The following CPS1 variants were observed in gnomAD, a reference collection of about 807,000 sequenced individuals.
CPS1 encodes carbamoyl-phosphate synthase 1, also known as carbamoyl-phosphate synthase [ammonia], mitochondrial.
CPS1 carries 109 observed loss-of-function variants against 174.6 expected under a neutral mutation model. The ratio of observed to expected loss-of-function variants is 0.62; its 90% CI spans 0.53 to 0.73. The LOEUF (loss-of-function observed/expected upper bound fraction) is 0.73. Ranked by LOEUF, CPS1 falls within the 30% of genes least tolerant of loss-of-function variation. CPS1 has a pLI of 0.00. For missense variants in CPS1, 1,689 were observed against 1,821.9 expected (o/e 0.93, Z 1.33); for synonymous variants, 637 against 632.0 (o/e 1.01, Z -0.12).
chr2:210,607,716 C>T (rs1698967829), intron 18 of CPS1, among the ~76,000 whole-genome samples: 1 of 151,744 alleles, frequency 6.6e-6, no homozygotes, highest in African/African-American at 2.4e-5. Flanking sequence ...TATCAGTTTC[C>T]TCATTTGTTA....
Position 210,556,667 on chromosome 2 carries a change from A to G in CPS1, c.-67A>G. The G allele has an allele frequency of 6.2e-7, 1 of 1,602,324 alleles. No homozygotes were observed. The highest frequency in any genetic ancestry group is 8.5e-7 in the Non-Finnish European group (1 of 1,174,010). The stretch of plus-strand genomic sequence containing the variant: ...CCCAGATTTCTTTTACATTAACTAA[A>G]AAGTCTTATCACACAATCTCATAAA... On this transcript the variant is annotated 5_prime_UTR_variant, in exon 1 of 38. Coordinates refer to ENST00000233072, the MANE Select transcript of CPS1 (RefSeq NM_001875.5).
At chr2:210,506,753 G>A (rs1413358659) in intron 1 of CPS1, among the ~76,000 whole-genome samples, 3 of 152,166 alleles carry the variant, frequency 2.0e-5, no homozygotes, top group African/African-American at 4.8e-5. Context: ...TAGCCAATTC[G>A]ATCAACTGGA....
intron 29 of CPS1, 69 bp downstream of exon 29, chr2:210,654,171 T>C (rs1700640925): frequency 1.5e-6 from 2 of 1,355,906 alleles, no homozygotes; most frequent in African/African-American, 1.4e-5. Context: ...AATTTTGAAA[T>C]ATTGACAGGT....
At chr2:210,507,522 T>A (rs1695321678) in intron 1 of CPS1, among the ~76,000 whole-genome samples, 1 of 151,782 alleles carries the variant, frequency 6.6e-6, no homozygotes, top group Non-Finnish European at 1.5e-5. Flanking sequence ...AATTCACACA[T>A]AACAATATTA....
At chr2:210,606,987 T>C (rs1698937986) in intron 18 of CPS1, 46 bp downstream of exon 18, 2 of 1,554,712 alleles carry the variant, frequency 1.3e-6, no homozygotes, top group Non-Finnish European at 1.8e-6. Flanking sequence ...TCTTTTCAGA[T>C]AGAAATGAAA....
intron 1 of CPS1, among the ~76,000 whole-genome samples, chr2:210,546,867 A>G (rs1559070356): frequency 1.3e-5 from 2 of 152,080 alleles, no homozygotes; most frequent in Non-Finnish European, 2.9e-5. Context: ...CTTCTTTCAC[A>G]TCCTAAATAT....
At chr2:210,631,461 A>AACCAGAGAACAC (rs1230442429) in intron 21 of CPS1, among the ~76,000 whole-genome samples, 3 of 152,218 alleles carry the variant, frequency 2.0e-5, no homozygotes, top group African/African-American at 7.2e-5. Context: ...ATTGTTTGTA[A>AACCAGAGAACAC]ACCAGAGAAC....
chr2:210,635,855 A>G (rs973324326), intron 21 of CPS1, among the ~76,000 whole-genome samples: 15 of 152,232 alleles, frequency 9.9e-5, no homozygotes, highest in Non-Finnish European at 2.1e-4. Flanking sequence ...GTGCAATAGA[A>G]AAAGCAAATT....
rs66825517 is a variant in CPS1, at chr2:210,491,307, G to GTTTTTTTTTTTTTTTT, written c.3+13557_3+13572dup. Among the ~76,000 whole-genome samples, 16 of 50,354 alleles carry GTTTTTTTTTTTTTTTT rather than the reference G, an allele frequency of 3.2e-4. 2 individuals carry two copies. Among genetic ancestry groups the GTTTTTTTTTTTTTTTT allele is most frequent in the African/African-American group, 1.5e-3 (15 of 9,984 alleles). 33.0% of individuals were successfully genotyped at this position (50,354 alleles called of 152,430 possible). On this transcript the variant is annotated intron_variant, in intron 1 of 38. Coordinates refer to the CPS1 transcript ENST00000430249. Reference sequence around the variant, plus strand: ...GTAAAAGCATGTATTTGGTATCTGTGTTTTTTTTTTTTTTTTTTTTTTTTT... The same window carrying GTTTTTTTTTTTTTTTT: ...GTAAAAGCATGTATTTGGTATCTGTGTTTTTTTTTTTTTTTTTTTTTTTTTTTTTTTTTTTTTTTTT...
intron 29 of CPS1, among the ~76,000 whole-genome samples, chr2:210,654,332 T>C (rs906936501): frequency 4.6e-5 from 7 of 152,232 alleles, no homozygotes; most frequent in African/African-American, 1.7e-4. Context: ...TATTCAAAAG[T>C]AATTATCATC....
intron 21 of CPS1, chr2:210,618,857 A>G (rs1699406601): frequency 2.0e-5 from 3 of 152,250 alleles, no homozygotes; most frequent in African/African-American, 4.8e-5. Flanking sequence ...AGAGCTCCCT[A>G]TTAATGACCT....
chr2:210,622,837 C>G (rs1699576224), intron 21 of CPS1, among the ~76,000 whole-genome samples: 2 of 149,492 alleles, frequency 1.3e-5, no homozygotes, highest in South Asian at 2.1e-4. Context: ...CTTTAAGCAT[C>G]TGCTTATCCC....
chr2:210,517,925 G>A (rs780593056), intron 1 of CPS1, among the ~76,000 whole-genome samples: 11 of 151,868 alleles, frequency 7.2e-5, no homozygotes, highest in Non-Finnish European at 1.5e-4. Context: ...ATTTCATATC[G>A]TAATTATATG....
intron 1 of CPS1, among the ~76,000 whole-genome samples, chr2:210,483,569 C>A (rs1694633687): frequency 6.6e-6 from 1 of 152,180 alleles, no homozygotes; most frequent in African/African-American, 2.4e-5. Flanking sequence ...ACCAGCATTT[C>A]CTCGCCCTTT....
Position 210,486,579 on chromosome 2 carries a change from C to T in CPS1, c.3+8813C>T, listed in dbSNP as rs182013482. Among the ~76,000 whole-genome samples, 855 of 152,270 alleles carry T rather than the reference C, an allele frequency of 5.6e-3. 4 individuals are homozygous for T. Among genetic ancestry groups the T allele is most frequent in the Non-Finnish European group, 9.7e-3 (663 of 68,018 alleles). On this transcript the variant is annotated intron_variant, in intron 1 of 38. Transcript: ENST00000430249. ...AGGCTGGAGTGCAATGGTGCGATCG[C>T]GGCTTACCGCAACCTCCGCCTCCTG...
chr2:210,506,719 A>G (rs1162622960), intron 1 of CPS1, among the ~76,000 whole-genome samples: 1 of 152,246 alleles, frequency 6.6e-6, no homozygotes, highest in Non-Finnish European at 1.5e-5. Flanking sequence ...CACGAGAACT[A>G]CGTGACGAAT....
chr2:210,675,428 T>A (rs1701493396), intron 35 of CPS1, among the ~76,000 whole-genome samples: 1 of 152,188 alleles, frequency 6.6e-6, no homozygotes, highest in African/African-American at 2.4e-5. Context: ...CATGAATAAT[T>A]GAGAAATTAT....
At chr2:210,519,934 C>A in intron 1 of CPS1, 1 of 236,744 alleles carries the variant, frequency 4.2e-6, no homozygotes, top group Non-Finnish European at 6.9e-6. Flanking sequence ...GTTTTCTCAT[C>A]AGCCTGTCTC....
intron 33 of CPS1, among the ~76,000 whole-genome samples, chr2:210,663,847 C>A (rs1252407666): frequency 6.6e-6 from 1 of 152,048 alleles, no homozygotes; most frequent in African/African-American, 2.4e-5. Context: ...TTATGAATCA[C>A]CTAGCCCTTG....
Sources: allele counts gnomAD v4.1 joint callset (sites outside exome capture counted in the v4.1 genomes callset), GRCh38; gene constraint gnomAD v4.1.1; transcripts MANE v1.5; gene names NCBI Gene and HGNC (gene_info 2026-07-23, HGNC 2026-07-21).